The following ICA1 variants were observed in gnomAD, a reference collection of about 807,000 sequenced individuals.
ICA1 encodes the protein 69 kDa islet cell autoantigen.
Under a neutral mutation model 71.0 loss-of-function variants are expected in ICA1, and 40 were observed. The ratio of observed to expected loss-of-function variants is 0.56; its 90% confidence interval spans 0.44 to 0.73. The LOEUF (loss-of-function observed/expected upper bound fraction) is 0.73. Ranked by LOEUF, ICA1 falls within the 30% of genes least tolerant of loss-of-function variation. The pLI is 0.00. For synonymous variants in ICA1, 207 were observed against 209.5 expected, an observed-to-expected ratio of 0.99 and a Z score of 0.10; for missense variants, 578 against 576.5, an observed-to-expected ratio of 1.00 and a Z score of -0.03.
chr7:8,258,016 T>C (rs529162170), intron 1 of ICA1, among the ~76,000 whole-genome samples: 1 of 152,318 alleles, frequency 6.6e-6, no homozygotes, highest in African/African-American at 2.4e-5. Context: ...GCTGAATTCC[T>C]ACTGGTTGTT....
chr7:8,253,160 C>T lies in ICA1; in HGVS notation c.-80+8934G>A, dbSNP rs539836569. On this transcript the variant is annotated intron_variant, in intron 1 of 13. Transcript: ENST00000402384. ...AAAGAGCTAGAAATTAATTCTATAA[C>T]TTCGGTCACCAATATTCTGTACTAG... 5.3e-5 allele frequency among the ~76,000 whole-genome samples: 8 copies of T among 152,354 alleles called. No homozygotes were observed. In the South Asian group the frequency reaches 1.7e-3, roughly 32 times the overall value.
intron 8 of ICA1, among the ~76,000 whole-genome samples, chr7:8,153,737 T>C (rs963630024): frequency 6.6e-6 from 1 of 151,724 alleles, no homozygotes; most frequent in Non-Finnish European, 1.5e-5. Flanking sequence ...TAATATTCCA[T>C]TCCTAGCCCC....
chr7:8,226,690 G>A lies in ICA1; in HGVS notation c.256+1911C>T, dbSNP rs1228211026. ...TCCTCCTTCCTGTCTCTGCTGAGATGGCATGGCTCATGTGAGCTTAGCGGG... is the reference window on the plus strand; with the variant it reads ...TCCTCCTTCCTGTCTCTGCTGAGATAGCATGGCTCATGTGAGCTTAGCGGG... On this transcript the variant is annotated intron_variant, in intron 4 of 13. Transcript: ENST00000402384. This position sits in a 1 kb window ranked among gnomAD's most constrained non-coding sequence, Gnocchi z 4.4. Among the ~76,000 whole-genome samples, 1 of 152,148 alleles carries A rather than the reference G, an allele frequency of 6.6e-6. No individual in the cohort carries two copies. Among genetic ancestry groups the A allele is most frequent in the Non-Finnish European group, 1.5e-5 (1 of 68,036 alleles).
At chr7:8,229,397 A>G (rs1409965104) in intron 3 of ICA1, among the ~76,000 whole-genome samples, 3 of 152,238 alleles carry the variant, frequency 2.0e-5, no homozygotes, top group Non-Finnish European at 4.4e-5. Flanking sequence ...CCTTTGTTTC[A>G]GAAACTGAGA....
intron 6 of ICA1, among the ~76,000 whole-genome samples, chr7:8,183,178 T>A: frequency 6.6e-6 from 1 of 152,162 alleles, no homozygotes; most frequent in Middle Eastern, 3.2e-3. Context: ...GGGGGAAGAT[T>A]AGCTTAGCAA....
chr7:8,178,335 A>G (rs1264677932), intron 6 of ICA1, among the ~76,000 whole-genome samples: 2 of 152,164 alleles, frequency 1.3e-5, no homozygotes, highest in African/African-American at 4.8e-5. Flanking sequence ...ATTACCTCAC[A>G]AGACACTTAT....
At chr7:8,116,894 T>C (rs1331878577) in intron 13 of ICA1, among the ~76,000 whole-genome samples, 1 of 152,224 alleles carries the variant, frequency 6.6e-6, no homozygotes, top group African/African-American at 2.4e-5. Flanking sequence ...ATGCCCCCCA[T>C]TACAATGGTA....
intron 8 of ICA1, among the ~76,000 whole-genome samples, chr7:8,147,981 G>A (rs575609595): frequency 3.3e-5 from 5 of 152,186 alleles, no homozygotes; most frequent in African/African-American, 1.2e-4. Context: ...AGGTGAATGT[G>A]CGATTCTACA....
At chr7:8,218,803 G>A (rs1264554329) in intron 5 of ICA1, 1 of 432,656 alleles carries the variant, frequency 2.3e-6, no homozygotes, top group African/African-American at 2.0e-5. Flanking sequence ...ATTTGAAGCT[G>A]GGGCCAATCC....
At chr7:8,196,592 G>C (rs1447477932) in intron 6 of ICA1, among the ~76,000 whole-genome samples, 2 of 152,192 alleles carry the variant, frequency 1.3e-5, no homozygotes, top group African/African-American at 4.8e-5. Flanking sequence ...GGGAGGCTGT[G>C]TGTATGCACT....
chr7:8,246,713 G>T (rs1487627156), intron 1 of ICA1, among the ~76,000 whole-genome samples: 2 of 152,160 alleles, frequency 1.3e-5, no homozygotes, highest in East Asian at 3.8e-4. Context: ...GTTTTCTGTT[G>T]GGATCCTGTG....
rs149511445 is a variant in ICA1 at position 8,240,758 on chromosome 7, T to A, written c.-79-4753A>T. 7.0e-3 allele frequency among the ~76,000 whole-genome samples: 1,061 copies of A among 152,230 alleles called. 9 individuals are homozygous for A. Among genetic ancestry groups the A allele is most frequent in the Non-Finnish European group, 0.011 (725 of 68,004 alleles). ...TGAAAACCATGGCAGGAGAACTACG[T>A]GACGCATTTACAAGCTTCAACAGCT... On this transcript the variant is annotated intron_variant, in intron 1 of 13. Transcript: ENST00000402384.
At chr7:8,174,755 CAAAAAA>C (rs1218712832) in intron 6 of ICA1, among the ~76,000 whole-genome samples, 1 of 83,480 alleles carries the variant, frequency 1.2e-5, no homozygotes. Context: ...GACTGTATCT[CAAAAAA>C]AAAAAAAAAA....
intron 6 of ICA1, among the ~76,000 whole-genome samples, chr7:8,196,840 T>C (rs1787751142): frequency 6.6e-6 from 1 of 152,270 alleles, no homozygotes; most frequent in South Asian, 2.1e-4. Context: ...AGTTCCCCCA[T>C]ACTTTTCTTG....
intron 6 of ICA1, among the ~76,000 whole-genome samples, chr7:8,210,485 G>A (rs1000732889): frequency 6.6e-6 from 1 of 152,106 alleles, no homozygotes; most frequent in East Asian, 1.9e-4. Flanking sequence ...CGAACTAAAA[G>A]CAGAAATAAT....
At chr7:8,133,022 C>T (rs1321613560) in intron 12 of ICA1, among the ~76,000 whole-genome samples, 4 of 152,134 alleles carry the variant, frequency 2.6e-5, no homozygotes, top group African/African-American at 9.7e-5. Context: ...AGAGGTGCGG[C>T]CTTTAAGAGG....
chr7:8,262,210 C>G (rs1563258236), upstream of ICA1: 1 of 152,118 alleles, frequency 6.6e-6, no homozygotes, highest in East Asian at 1.9e-4. Flanking sequence ...AGCGCAGGAA[C>G]CGGCCCTTCC....
At chr7:8,164,455 G>A (rs1018086296) in intron 6 of ICA1, among the ~76,000 whole-genome samples, 1 of 152,126 alleles carries the variant, frequency 6.6e-6, no homozygotes, top group Admixed American at 6.5e-5. Context: ...GTGAGGGGTT[G>A]AGTGCTGGGG....
At chr7:8,240,104 AC>A (rs1255193712) in intron 1 of ICA1, among the ~76,000 whole-genome samples, 3 of 151,810 alleles carry the variant, frequency 2.0e-5, no homozygotes, top group East Asian at 3.9e-4. Context: ...TAGGTCCCTG[AC>A]CCCCATGTAG....
Sources: gnomAD v4.1 joint callset for allele counts (sites outside exome capture counted in the v4.1 genomes callset) on GRCh38, gnomAD v4.1.1 for gene constraint, Gnocchi (gnomAD v3.1) non-coding constraint, MANE v1.5 for transcripts, NCBI Gene and HGNC (gene_info 2026-07-23, HGNC 2026-07-21) for gene names.